ME2: variants seen among roughly 807,000 people sequenced by gnomAD.
ME2 encodes the protein malic enzyme 2, also known as NAD-dependent malic enzyme, mitochondrial.
A neutral mutation model predicts 73.7 loss-of-function variants in ME2; 60 were observed. The observed-to-expected ratio is 0.81, with a 90% confidence interval of 0.66 to 1.01. The LOEUF (loss-of-function observed/expected upper bound fraction) is 1.01, where lower values mean the gene tolerates loss of function less well. Among genes scored for constraint, ME2 ranks in the 50% least tolerant of loss-of-function variants. ME2 has a pLI of 0.00. For missense variants in ME2, 594 were observed against 705.5 expected, an observed-to-expected ratio of 0.84 and a Z score of 1.79; for synonymous variants, 199 against 236.9, an observed-to-expected ratio of 0.84 and a Z score of 1.47.
At chr18:50,897,952 A>G (rs1916791030) in intron 2 of ME2, among the ~76,000 whole-genome samples, 1 of 152,198 alleles carries the variant, frequency 6.6e-6, no homozygotes, top group Non-Finnish European at 1.5e-5. Flanking sequence ...ATATGGTCAC[A>G]TCATTGAAGG....
At chr18:50,880,692 A>G (rs2144170586) in intron 1 of ME2, among the ~76,000 whole-genome samples, 1 of 152,326 alleles carries the variant, frequency 6.6e-6, no homozygotes, top group Admixed American at 6.5e-5. Flanking sequence ...TGCTGGGATT[A>G]CAGGCGTTAG....
chr18:50,884,817 A>C (rs1206918113), intron 1 of ME2, among the ~76,000 whole-genome samples: 2 of 145,676 alleles, frequency 1.4e-5, no homozygotes, highest in Non-Finnish European at 3.0e-5. Context: ...ACCTTGCAGT[A>C]CTAATCACCA....
chr18:50,937,198 C>T (rs889189307), intron 13 of ME2, among the ~76,000 whole-genome samples: 1 of 151,854 alleles, frequency 6.6e-6, no homozygotes, highest in Admixed American at 6.6e-5. Context: ...GTAAAAACCA[C>T]ATTAAATCTA....
rs1370976460 is a variant in ME2 at position 50,948,765 on chromosome 18, A to G, written c.*1581A>G. 1 of 149,402 alleles carries G rather than the reference A, an allele frequency of 6.7e-6. No homozygotes were observed. The highest frequency in any genetic ancestry group is 2.5e-5 in the African/African-American group (1 of 40,300). The allele number at this position is 149,402 out of a possible 1,614,324, so 9.3% of individuals were successfully genotyped here. A position where few individuals can be genotyped will look rare whatever the true frequency, so the allele number is the denominator to read the frequency against. On this transcript the variant is annotated 3_prime_UTR_variant, in exon 16 of 16. Coordinates refer to ENST00000321341, the MANE Select transcript of ME2 (RefSeq NM_002396.5). ...CACCATGTTGGCCAGGAGGGTCTCG[A>G]TTTCCTGACCTCGCGATCCGCCCAC...
At chr18:50,930,757 A>T (rs1224299708) in intron 12 of ME2, among the ~76,000 whole-genome samples, 1 of 152,260 alleles carries the variant, frequency 6.6e-6, no homozygotes, top group East Asian at 1.9e-4. Flanking sequence ...TGGTGCCAGA[A>T]AAATAATTAT....
intron 12 of ME2, among the ~76,000 whole-genome samples, chr18:50,926,226 C>G (rs780559816): frequency 7.2e-5 from 11 of 152,168 alleles, no homozygotes; most frequent in Non-Finnish European, 1.3e-4. Context: ...ATTCTTCCTG[C>G]AAGTGCTTCT....
Position 50,947,344 on chromosome 18 carries a change from G to A in ME2, c.*160G>A. The A allele has an allele frequency of 1.5e-6, 1 of 654,842 alleles. No homozygotes were observed. The highest frequency in any genetic ancestry group is 4.2e-4 in the Middle Eastern group (1 of 2,356). The allele number at this position is 654,842 out of a possible 1,614,324, so 40.6% of individuals were successfully genotyped here. On this transcript the variant is annotated 3_prime_UTR_variant, in exon 16 of 16. Coordinates refer to ENST00000321341, the MANE Select transcript of ME2 (RefSeq NM_002396.5). ...ATGCGTCTCCACATCTGTTGGGGTAGACGTGTTGATTGATTGCATTGCCCA... is the reference window on the plus strand; with the variant it reads ...ATGCGTCTCCACATCTGTTGGGGTAAACGTGTTGATTGATTGCATTGCCCA...
At chr18:50,882,839 C>T (rs1158531261) in intron 1 of ME2, among the ~76,000 whole-genome samples, 1 of 152,100 alleles carries the variant, frequency 6.6e-6, no homozygotes, top group African/African-American at 2.4e-5. Context: ...ATCCCAGCTA[C>T]TCAGTAGGCT....
intron 15 of ME2, among the ~76,000 whole-genome samples, chr18:50,946,753 A>G (rs750625190): frequency 3.9e-5 from 6 of 152,190 alleles, no homozygotes; most frequent in Non-Finnish European, 7.3e-5. Context: ...TTTCAGCAAG[A>G]CTGGGAGGAA....
intron 1 of ME2, among the ~76,000 whole-genome samples, chr18:50,892,483 C>A (rs1916628318): frequency 6.6e-6 from 1 of 152,180 alleles, no homozygotes; most frequent in Admixed American, 6.5e-5. Flanking sequence ...GTTGACTATT[C>A]CCATCCAGAA....
intron 12 of ME2, among the ~76,000 whole-genome samples, chr18:50,927,677 G>C (rs1245624484): frequency 7.0e-6 from 1 of 142,842 alleles, no homozygotes; most frequent in Non-Finnish European, 1.5e-5. Context: ...ACTCCAGCCT[G>C]GGTGACAGAG....
intron 13 of ME2, chr18:50,939,281 A>C: frequency 3.9e-6 from 1 of 259,312 alleles, no homozygotes; most frequent in South Asian, 6.3e-5. Context: ...GTGGGCTGGG[A>C]ACTGGAGTTA....
chr18:50,908,082 A>G lies in ME2; in HGVS notation c.128A>G (p.Gln43Arg), dbSNP rs772906641. The change falls in exon 3 of 16, where the codon CAA (glutamine) becomes CGA (arginine). Residue 43 changes from glutamine to arginine, a missense_variant. By Grantham distance (43) the Gln-to-Arg change is conservative. Transcript: ENST00000321341. ...RTNKGMAFTL[Q>R]ERQMLGLQGL... The stretch of plus-strand genomic sequence containing the variant: ...CTTTAGGGAATGGCATTTACTTTAC[A>G]AGAACGACAAATGCTTGGTCTTCAA... The G allele has an allele frequency of 9.2e-5, 145 of 1,582,790 alleles. 1 individual carries two copies. The Admixed American group carries it at 2.7e-3, about 29-fold the overall frequency.
rs569254560 is a variant in ME2 at position 50,946,145 on chromosome 18, C to T, written c.1588-872C>T. 3.8e-5 allele frequency among the ~76,000 whole-genome samples: 4 copies of T among 104,830 alleles called. No homozygotes were observed. The South Asian group carries it at 1.5e-3, about 38-fold the overall frequency. The allele number at this position is 104,830 out of a possible 152,430, so 68.8% of individuals were successfully genotyped here. On this transcript the variant is annotated intron_variant, in intron 15 of 15. Transcript: ENST00000321341. ...AAATAAATAAATAAATAAATAAAAC[C>T]ATGACTTCAGAACTTTACTGTGTGA...
intron 1 of ME2, among the ~76,000 whole-genome samples, chr18:50,893,100 G>A: frequency 7.5e-6 from 1 of 133,536 alleles, no homozygotes; most frequent in African/African-American, 3.0e-5. Context: ...ACTCCAGCCT[G>A]GGCAACTGGG....
intron 2 of ME2, among the ~76,000 whole-genome samples, chr18:50,899,290 A>C (rs1458322135): frequency 6.6e-6 from 1 of 152,146 alleles, no homozygotes; most frequent in Non-Finnish European, 1.5e-5. Context: ...ATCATCAATG[A>C]CTTCAATAAC....
At position 50,953,726 on chromosome 18, in the gene ME2, C is replaced by A. The variant is rs1402494223; in HGVS notation, c.*6542C>A. 1.3e-5 allele frequency: 2 copies of A among 152,210 alleles called. No individual in the cohort carries two copies. Among genetic ancestry groups the A allele is most frequent in the East Asian group, 3.9e-4 (2 of 5,188 alleles). The allele number at this position is 152,210 out of a possible 1,614,324, so 9.4% of individuals were successfully genotyped here. A position where few individuals can be genotyped will look rare whatever the true frequency, so the allele number is the denominator to read the frequency against. On this transcript the variant is annotated 3_prime_UTR_variant, in exon 16 of 16. Coordinates refer to ENST00000321341, the MANE Select transcript of ME2 (RefSeq NM_002396.5). ...TTATAAGGTATATTTTAAGTGATATCTATGTATTGTATACACATATTCCAT... is the reference window on the plus strand; with the variant it reads ...TTATAAGGTATATTTTAAGTGATATATATGTATTGTATACACATATTCCAT...
chr18:50,895,302 A>G (rs1053868471), intron 1 of ME2, among the ~76,000 whole-genome samples: 10 of 152,200 alleles, frequency 6.6e-5, no homozygotes, highest in Non-Finnish European at 1.5e-4. Flanking sequence ...TATATTAAAT[A>G]ACAGGTTTTC....
intron 5 of ME2, 172 bp downstream of exon 5, chr18:50,916,415 G>A (rs907494963): frequency 4.1e-6 from 2 of 488,346 alleles, no homozygotes; most frequent in African/African-American, 4.0e-5. Flanking sequence ...TATAAAATGG[G>A]CTACTGGTAT....
Sources: allele counts gnomAD v4.1 joint callset (sites outside exome capture counted in the v4.1 genomes callset), GRCh38; gene constraint gnomAD v4.1.1; transcripts MANE v1.5; gene names NCBI Gene and HGNC (gene_info 2026-07-23, HGNC 2026-07-21).